CCDC7: variants seen among roughly 807,000 people sequenced by gnomAD.
CCDC7 encodes coiled-coil domain containing 7, also known as coiled-coil domain-containing protein 7.
In CCDC7, 183 loss-of-function variants were observed where a neutral mutation model predicts 196.9. The observed-to-expected ratio is 0.93, with a 90% confidence interval of 0.82 to 1.05. The LOEUF is 1.05. CCDC7 is among the 50% of genes least tolerant of loss of function. The pLI is 0.00. For missense variants in CCDC7, 1,540 were observed against 1,482.2 expected (o/e 1.04, Z -0.64); for synonymous variants, 525 against 484.6 (o/e 1.08, Z -1.10).
intron 41 of CCDC7, among the ~76,000 whole-genome samples, chr10:32,856,441 G>A (rs1342543): frequency 0.98 from 149,826 of 152,272 alleles, 73,751 homozygotes; most frequent in Middle Eastern, 1. Context: ...TGATCACCCT[G>A]CCCTCTGGAC....
chr10:32,728,826 A>T (rs2083486999), intron 26 of CCDC7, 61 bp from the exon 28 acceptor site: 1 of 859,024 alleles, frequency 1.2e-6, no homozygotes, highest in Non-Finnish European at 1.8e-6. Context: ...AGAAATGTAC[A>T]TATTATACAT....
intron 32 of CCDC7, among the ~76,000 whole-genome samples, chr10:32,829,714 A>C (rs2091892972): frequency 6.6e-6 from 1 of 152,072 alleles, no homozygotes; most frequent in Non-Finnish European, 1.5e-5. Flanking sequence ...TATGATGGTT[A>C]ATACTGAGTG....
intron 34 of CCDC7, 108 bp downstream of exon 35, chr10:32,845,434 A>C: frequency 8.2e-7 from 1 of 1,219,374 alleles, no homozygotes; most frequent in Non-Finnish European, 1.2e-6. Context: ...ATAGTGTTAC[A>C]TAAGTAAAAT....
intron 30 of CCDC7, among the ~76,000 whole-genome samples, chr10:32,808,796 A>G (rs568154863): frequency 8.0e-6 from 1 of 124,970 alleles, no homozygotes; most frequent in East Asian, 2.5e-4. Context: ...TGAAGAAATG[A>G]TGGACATCAC....
intron 23 of CCDC7, among the ~76,000 whole-genome samples, chr10:32,689,820 C>T (rs570505284): frequency 2.0e-5 from 3 of 152,122 alleles, no homozygotes; most frequent in African/African-American, 4.8e-5. Flanking sequence ...CTGCAACCTC[C>T]GCCTCCCGGG....
chr10:32,830,516 C>T (rs571890044), intron 32 of CCDC7, among the ~76,000 whole-genome samples: 2 of 151,974 alleles, frequency 1.3e-5, no homozygotes, highest in African/African-American at 4.8e-5. Flanking sequence ...TAAAAGAATT[C>T]GTAAAATCTA....
intron 8 of CCDC7, among the ~76,000 whole-genome samples, chr10:32,484,924 A>G (rs1346100660): frequency 6.6e-6 from 1 of 152,202 alleles, no homozygotes; most frequent in Non-Finnish European, 1.5e-5. Flanking sequence ...GGATTTTTGC[A>G]TCGATGTTCA....
At chr10:32,861,989 A>G (rs745921490) in intron 41 of CCDC7, among the ~76,000 whole-genome samples, 5 of 152,216 alleles carry the variant, frequency 3.3e-5, no homozygotes, top group Non-Finnish European at 5.9e-5. Context: ...TAGTTCAAAC[A>G]TTGTGGAAGA....
chr10:32,860,363 G>A (rs1482961876), intron 41 of CCDC7, among the ~76,000 whole-genome samples: 1 of 151,992 alleles, frequency 6.6e-6, no homozygotes, highest in Non-Finnish European at 1.5e-5. Flanking sequence ...AAATTTAACA[G>A]CCCTTCATGC....
chr10:32,590,380 T>C (rs1305437544), intron 18 of CCDC7, among the ~76,000 whole-genome samples: 1 of 152,120 alleles, frequency 6.6e-6, no homozygotes, highest in Non-Finnish European at 1.5e-5. Context: ...ACTCTACACT[T>C]TAACTTCATC....
intron 21 of CCDC7, among the ~76,000 whole-genome samples, chr10:32,672,288 C>T (rs1565073694): frequency 1.3e-5 from 2 of 152,158 alleles, no homozygotes. Context: ...AGTTGGGGCA[C>T]AGTCCAGCTC....
chr10:32,562,878 A>G (rs1170031160), intron 13 of CCDC7, among the ~76,000 whole-genome samples: 2 of 152,186 alleles, frequency 1.3e-5, no homozygotes, highest in East Asian at 1.9e-4. Context: ...TGCAGATGAC[A>G]TGATTGTCAT....
At chr10:32,495,915 T>TC (rs1375892730) in intron 9 of CCDC7, among the ~76,000 whole-genome samples, 1 of 152,202 alleles carries the variant, frequency 6.6e-6, no homozygotes. Flanking sequence ...TAGTTTTTTT[T>TC]CTAATTCTGT....
At chr10:32,808,505 CTG>C (rs1347397469) in intron 30 of CCDC7, among the ~76,000 whole-genome samples, 1 of 152,176 alleles carries the variant, frequency 6.6e-6, no homozygotes, top group Admixed American at 6.5e-5. Context: ...TGTTTCACCA[CTG>C]TGACTTTTAT....
intron 20 of CCDC7, among the ~76,000 whole-genome samples, chr10:32,663,278 C>A (rs1396278144): frequency 6.6e-6 from 1 of 152,092 alleles, no homozygotes; most frequent in African/African-American, 2.4e-5. Flanking sequence ...TTTTTCATCA[C>A]ACATGGAAAA....
chr10:32,806,987 T>C (rs2085977765), intron 30 of CCDC7, among the ~76,000 whole-genome samples: 1 of 152,162 alleles, frequency 6.6e-6, no homozygotes, highest in African/African-American at 2.4e-5. Context: ...AAAAGCTAAA[T>C]GAAGGACTGT....
At chr10:32,644,881 G>A (rs1241989529) in intron 20 of CCDC7, among the ~76,000 whole-genome samples, 5 of 152,100 alleles carry the variant, frequency 3.3e-5, no homozygotes. Flanking sequence ...GTCTTTATCA[G>A]CAACATGAAA....
At chr10:32,742,658 CAG>C (rs1030310964) in intron 28 of CCDC7, among the ~76,000 whole-genome samples, 4 of 152,154 alleles carry the variant, frequency 2.6e-5, no homozygotes, top group Non-Finnish European at 5.9e-5. Context: ...GCTGAAACAA[CAG>C]AACTTATTTT....
At chr10:32,648,877 A>C (rs539190070) in intron 20 of CCDC7, among the ~76,000 whole-genome samples, 4 of 152,282 alleles carry the variant, frequency 2.6e-5, no homozygotes, top group Middle Eastern at 3.4e-3. Context: ...TTACAGCACT[A>C]TTTACAATAG....
Sources: gnomAD v4.1 joint callset for allele counts (sites outside exome capture counted in the v4.1 genomes callset) on GRCh38, gnomAD v4.1.1 for gene constraint, MANE v1.5 for transcripts, NCBI Gene and HGNC (gene_info 2026-07-23, HGNC 2026-07-21) for gene names.